CTSS: variants seen among roughly 807,000 people sequenced by gnomAD.
CTSS encodes the protein cathepsin S.
CTSS carries 15 observed loss-of-function variants against 39.9 expected under a neutral mutation model. The ratio of observed to expected loss-of-function variants is 0.38; its 90% CI spans 0.25 to 0.58. CTSS has a LOEUF of 0.58. CTSS is among the 20% of genes least tolerant of loss of function. The pLI is 0.70. For missense variants in CTSS, 250 were observed against 398.2 expected, an observed-to-expected ratio of 0.63 and a Z score of 3.17; for synonymous variants, 126 against 138.2, an observed-to-expected ratio of 0.91 and a Z score of 0.62.
intron 3 of CTSS, among the ~76,000 whole-genome samples, chr1:150,755,477 C>T (rs745888955): frequency 1.1e-4 from 17 of 152,074 alleles, no homozygotes; most frequent in African/African-American, 3.9e-4. Context: ...TGGTGGCTCA[C>T]GCCTGCAATC....
intron 2 of CTSS, among the ~76,000 whole-genome samples, chr1:150,760,462 CT>C (rs1295915153): frequency 6.6e-6 from 1 of 152,212 alleles, no homozygotes; most frequent in African/African-American, 2.4e-5. Context: ...AGGGTACCCA[CT>C]CTCACCATTT....
At chr1:150,742,756 A>G (rs74127011) in intron 7 of CTSS, among the ~76,000 whole-genome samples, 7,745 of 152,232 alleles carry the variant, frequency 0.051, 658 homozygotes, top group African/African-American at 0.18. Flanking sequence ...AGGGGGGAAA[A>G]GGAAAAGGCC....
chr1:150,756,708 C>CTTTTTTTTTTTTTTTT (rs72242218), intron 3 of CTSS, among the ~76,000 whole-genome samples: 2 of 131,176 alleles, frequency 1.5e-5, no homozygotes, highest in African/African-American at 2.8e-5. Context: ...TTCTTTCTTT[C>CTTTTTTTTTTTTTTTT]TTTTTTTTTT....
At chr1:150,740,033 G>A (rs1469201494) in intron 7 of CTSS, among the ~76,000 whole-genome samples, 5 of 152,238 alleles carry the variant, frequency 3.3e-5, no homozygotes, top group African/African-American at 1.2e-4. Flanking sequence ...CGGTAGAAGA[G>A]CTGCATTTTT....
chr1:150,743,137 C>T (rs1652802705), intron 7 of CTSS, among the ~76,000 whole-genome samples: 1 of 152,026 alleles, frequency 6.6e-6, no homozygotes, highest in South Asian at 2.1e-4. Context: ...ACTCATGTAA[C>T]AGGCAGGTGG....
At chr1:150,740,168 T>C (rs1652719805) in intron 7 of CTSS, among the ~76,000 whole-genome samples, 1 of 152,174 alleles carries the variant, frequency 6.6e-6, no homozygotes, top group Admixed American at 6.5e-5. Flanking sequence ...AAGTTTACAT[T>C]TTAGTGAATG....
At chr1:150,748,756 A>AT (rs1247676650) in intron 6 of CTSS, among the ~76,000 whole-genome samples, 1 of 152,062 alleles carries the variant, frequency 6.6e-6, no homozygotes, top group Non-Finnish European at 1.5e-5. Context: ...TAGATATTGC[A>AT]TTTTTTACAA....
At chr1:150,740,618 T>G (rs112274066) in intron 7 of CTSS, among the ~76,000 whole-genome samples, 9,425 of 152,234 alleles carry the variant, frequency 0.062, 389 homozygotes, top group Middle Eastern at 0.16. Flanking sequence ...GGTCTTGATC[T>G]CCTGACCTAG....
At chr1:150,737,252 G>A (rs1034637493) in intron 7 of CTSS, among the ~76,000 whole-genome samples, 2 of 152,070 alleles carry the variant, frequency 1.3e-5, no homozygotes, top group Non-Finnish European at 2.9e-5. Flanking sequence ...ACAGGCGTGC[G>A]CCATCATGCC....
rs193263209 is a variant in CTSS at position 150,730,929 on chromosome 1, G to A, written c.*2117C>T. The A allele has an allele frequency of 2.0e-5, 3 of 151,910 alleles. No individual in the cohort carries two copies. Among genetic ancestry groups the A allele is most frequent in the Admixed American group, 6.6e-5 (1 of 15,252 alleles). The allele number at this position is 151,910 out of a possible 1,614,324, so 9.4% of individuals were successfully genotyped here. A position where few individuals can be genotyped will look rare whatever the true frequency, so the allele number is the denominator to read the frequency against. Reference sequence around the variant, plus strand: ...TTTAACATTTTAATAACTGTATTTCGATATAATTAGATTCCTTTGTAATCC... The same window carrying A: ...TTTAACATTTTAATAACTGTATTTCAATATAATTAGATTCCTTTGTAATCC... On this transcript the variant is annotated 3_prime_UTR_variant, in exon 8 of 8. Coordinates refer to ENST00000368985, the MANE Select transcript of CTSS (RefSeq NM_004079.5).
At chr1:150,762,675 C>A (rs1193062082) in intron 2 of CTSS, among the ~76,000 whole-genome samples, 2 of 152,076 alleles carry the variant, frequency 1.3e-5, no homozygotes, top group African/African-American at 4.8e-5. Flanking sequence ...TGAAAAAATG[C>A]TTAACATCAC....
intron 3 of CTSS, 47 bp from the exon 4 acceptor site, chr1:150,755,197 G>A: frequency 1.3e-6 from 2 of 1,590,838 alleles, no homozygotes; most frequent in Non-Finnish European, 1.7e-6. Context: ...ACTGGAATAT[G>A]TTCTGAGAAA....
rs587703600 is a variant in CTSS, at chr1:150,747,003, T to C, written c.896+774A>G. On this transcript the variant is annotated intron_variant, in intron 7 of 7. Coordinates refer to ENST00000368985, the MANE Select transcript of CTSS (RefSeq NM_004079.5). ...GATTTGAGGGTAAAGGGGAAGAAAA[T>C]AGAGAGTAAAGGAGACCAGTTAGAA... Among the ~76,000 whole-genome samples, 10 of 151,792 alleles carry C rather than the reference T, an allele frequency of 6.6e-5. No homozygotes were observed. In the South Asian group the frequency reaches 2.1e-3, roughly 32 times the overall value.
chr1:150,742,762 A>C (rs1190941523), intron 7 of CTSS, among the ~76,000 whole-genome samples: 1 of 152,162 alleles, frequency 6.6e-6, no homozygotes, highest in Non-Finnish European at 1.5e-5. Context: ...GAAAAGGAAA[A>C]GGCCAAGATG....
intron 7 of CTSS, among the ~76,000 whole-genome samples, chr1:150,739,325 T>C (rs1652697487): frequency 6.6e-6 from 1 of 152,250 alleles, no homozygotes; most frequent in Non-Finnish European, 1.5e-5. Flanking sequence ...GGCTGAAAGC[T>C]AGACTTCTTG....
chr1:150,744,595 GTATATTATGTAT>G lies in CTSS; in HGVS notation c.896+3170_896+3181del, dbSNP rs1293900052. Reference sequence around the variant, plus strand: ...ACATAATATATTATATATTATATATGTATATTATGTATTATATTATATATTATGTATATTATA... The same window carrying G: ...ACATAATATATTATATATTATATATGTATATTATATATTATGTATATTATA... On this transcript the variant is annotated intron_variant, in intron 7 of 7. Coordinates refer to ENST00000368985, the MANE Select transcript of CTSS (RefSeq NM_004079.5). Among the ~76,000 whole-genome samples, 5 of 117,048 alleles carry G rather than the reference GTATATTATGTAT, an allele frequency of 4.3e-5. No homozygotes were observed. In the East Asian group the frequency reaches 1.2e-3, roughly 28 times the overall value. The allele number at this position is 117,048 out of a possible 152,430, so 76.8% of individuals were successfully genotyped here. A position where few individuals can be genotyped will look rare whatever the true frequency, so the allele number is the denominator to read the frequency against.
At chr1:150,753,970 C>T (rs1653059919) in intron 4 of CTSS, among the ~76,000 whole-genome samples, 1 of 131,046 alleles carries the variant, frequency 7.6e-6, no homozygotes, top group Admixed American at 7.8e-5. Context: ...AAAACAAAAA[C>T]CACTGTGGAG....
intron 7 of CTSS, among the ~76,000 whole-genome samples, chr1:150,737,997 T>C (rs766851288): frequency 7.9e-5 from 12 of 152,064 alleles, no homozygotes; most frequent in East Asian, 1.9e-4. Flanking sequence ...GGAGAGGTAG[T>C]TGGAGAGGCA....
rs1486710743 is a variant in CTSS, at chr1:150,750,093, C to A, written c.706G>T (p.Asp236Tyr). 1.2e-6 allele frequency: 2 copies of A among 1,614,074 alleles called. No homozygotes were observed. Among genetic ancestry groups the A allele is most frequent in the Admixed American group, 3.3e-5 (2 of 60,010 alleles). Residue 236 changes from aspartate to tyrosine, a missense_variant, in exon 6 of 8, where the codon GAT becomes TAT. Asp to Tyr is a radical substitution (Grantham distance 160, BLOSUM62 -3). Transcript: ENST00000368985. ...TTGGCCACAGCTTCTTTCAGGACAT[C>A]TTCTCTGCCATAAGGAAGTTCAGTG... is the stretch of plus-strand genomic sequence containing the variant. ...KYTELPYGRE[D>Y]VLKEAVANKG... is the part of the protein sequence containing the mutation.
Sources: gnomAD v4.1 joint callset for allele counts (sites outside exome capture counted in the v4.1 genomes callset) on GRCh38, gnomAD v4.1.1 for gene constraint, MANE v1.5 for transcripts, NCBI Gene and HGNC (gene_info 2026-07-23, HGNC 2026-07-21) for gene names.